LCLAT1: variants seen among roughly 807,000 people sequenced by gnomAD.
LCLAT1 encodes the protein lysocardiolipin acyltransferase 1.
In LCLAT1, 11 loss-of-function variants were observed where a neutral mutation model predicts 30.7. The ratio of observed to expected loss-of-function variants is 0.36; its 90% CI spans 0.23 to 0.59. LCLAT1 has a LOEUF of 0.59. Among genes scored for constraint, LCLAT1 ranks in the 20% least tolerant of loss-of-function variants. The pLI, the probability that LCLAT1 is intolerant of heterozygous loss-of-function variation, is 0.77. For synonymous variants in LCLAT1, 155 were observed against 151.3 expected (o/e 1.02, Z -0.18); for missense variants, 402 against 458.6 (o/e 0.88, Z 1.13).
intron 1 of LCLAT1, among the ~76,000 whole-genome samples, chr2:30,467,025 G>A (rs77182294): frequency 0.015 from 2,310 of 152,170 alleles, 29 homozygotes; most frequent in Non-Finnish European, 0.023. Flanking sequence ...GTGCCATGTT[G>A]GTGTGCTGCA....
intron 1 of LCLAT1, among the ~76,000 whole-genome samples, chr2:30,447,800 C>G (rs552037396): frequency 6.6e-6 from 1 of 152,196 alleles, no homozygotes; most frequent in Non-Finnish European, 1.5e-5. Flanking sequence ...CTGTTAAATC[C>G]CATGCACTAA....
chr2:30,586,804 T>A (rs1225980340), intron 5 of LCLAT1, among the ~76,000 whole-genome samples: 1 of 152,160 alleles, frequency 6.6e-6, no homozygotes, highest in Non-Finnish European at 1.5e-5. Context: ...GCATTTAATA[T>A]TGTTCAAATG....
At chr2:30,532,186 G>A (rs1441539705) in intron 2 of LCLAT1, among the ~76,000 whole-genome samples, 2 of 152,046 alleles carry the variant, frequency 1.3e-5, no homozygotes, top group Admixed American at 1.3e-4. Flanking sequence ...TCATGTTGCT[G>A]TAGGTACTTG....
chr2:30,568,955 T>G (rs988310542), intron 5 of LCLAT1, among the ~76,000 whole-genome samples: 3 of 151,930 alleles, frequency 2.0e-5, no homozygotes, highest in Non-Finnish European at 4.4e-5. Context: ...TATCATTCTC[T>G]TACTATTTTA....
At chr2:30,542,125 T>A (rs766640803) in intron 3 of LCLAT1, among the ~76,000 whole-genome samples, 1 of 152,212 alleles carries the variant, frequency 6.6e-6, no homozygotes, top group Non-Finnish European at 1.5e-5. Context: ...ATAGGCTCTT[T>A]ATAGATAGGA....
chr2:30,493,222 A>T (rs1683919703), intron 1 of LCLAT1, among the ~76,000 whole-genome samples: 1 of 152,220 alleles, frequency 6.6e-6, no homozygotes. Context: ...CTTATTATTT[A>T]ATGTAGACTT....
intron 1 of LCLAT1, among the ~76,000 whole-genome samples, chr2:30,492,124 A>T (rs1464559170): frequency 6.6e-6 from 1 of 152,200 alleles, no homozygotes; most frequent in Non-Finnish European, 1.5e-5. Flanking sequence ...CTGGCTACCC[A>T]CTAGGTGAGG....
At chr2:30,498,864 G>A (rs1022358435) in intron 1 of LCLAT1, among the ~76,000 whole-genome samples, 1 of 152,176 alleles carries the variant, frequency 6.6e-6, no homozygotes, top group African/African-American at 2.4e-5. Context: ...AGAGTAGACT[G>A]GAGAGACCAG....
intron 1 of LCLAT1, among the ~76,000 whole-genome samples, chr2:30,467,858 G>A (rs1682529207): frequency 6.6e-6 from 1 of 152,168 alleles, no homozygotes; most frequent in African/African-American, 2.4e-5. Flanking sequence ...CAGATGAGTA[G>A]ATGGCAAAAA....
At chr2:30,558,597 CAAAAAAA>C (rs36075365) in intron 3 of LCLAT1, among the ~76,000 whole-genome samples, 1 of 83,274 alleles carries the variant, frequency 1.2e-5, no homozygotes, top group Non-Finnish European at 2.4e-5. Context: ...GACTTTGTCT[CAAAAAAA>C]AAAAAAAAAA....
chr2:30,610,465 C>T (rs920547101), intron 5 of LCLAT1, among the ~76,000 whole-genome samples: 6 of 152,036 alleles, frequency 3.9e-5, no homozygotes, highest in African/African-American at 7.2e-5. Context: ...ATGATTTATC[C>T]ACTTGTGTAT....
intron 3 of LCLAT1, among the ~76,000 whole-genome samples, chr2:30,534,306 G>A (rs1050145044): frequency 2.0e-5 from 3 of 149,130 alleles, no homozygotes; most frequent in African/African-American, 2.5e-5. Flanking sequence ...TGTCGCTCAG[G>A]CTGGAGTGCA....
intron 1 of LCLAT1, among the ~76,000 whole-genome samples, chr2:30,466,028 T>C (rs1682404760): frequency 6.6e-6 from 1 of 152,100 alleles, no homozygotes; most frequent in Non-Finnish European, 1.5e-5. Context: ...AGTAACTCCT[T>C]AGAGTTGTCT....
At position 30,627,285 on chromosome 2, in the gene LCLAT1, C is replaced by A. The variant is rs529992156; in HGVS notation, c.629-12832C>A. On this transcript the variant is annotated intron_variant, in intron 5 of 5. Transcript: ENST00000379509. ...TGGTCGAGTACTCTGGGGTTACAAT[C>A]TTCTCTGATGTCACCTAAGTCTCAT... is the stretch of plus-strand genomic sequence containing the variant. 3.3e-5 allele frequency among the ~76,000 whole-genome samples: 5 copies of A among 152,308 alleles called. No individual in the cohort carries two copies. In the East Asian group the frequency reaches 9.6e-4, roughly 29 times the overall value.
intron 1 of LCLAT1, among the ~76,000 whole-genome samples, chr2:30,456,534 C>T (rs1351075117): frequency 6.6e-6 from 1 of 151,950 alleles, no homozygotes; most frequent in Non-Finnish European, 1.5e-5. Context: ...AACTTAGGCT[C>T]CCTACATGGC....
chr2:30,461,580 T>C (rs1350259714), intron 1 of LCLAT1, among the ~76,000 whole-genome samples: 2 of 151,832 alleles, frequency 1.3e-5, no homozygotes, highest in African/African-American at 4.8e-5. Context: ...TTTTATCATC[T>C]TTGTTTTACT....
At chr2:30,586,971 C>T (rs1666469723) in intron 5 of LCLAT1, among the ~76,000 whole-genome samples, 1 of 152,204 alleles carries the variant, frequency 6.6e-6, no homozygotes, top group Admixed American at 6.5e-5. Flanking sequence ...TGTTGATGAA[C>T]TGTCATCACA....
At chr2:30,493,135 G>A (rs1457050689) in intron 1 of LCLAT1, among the ~76,000 whole-genome samples, 1 of 152,132 alleles carries the variant, frequency 6.6e-6, no homozygotes, top group Middle Eastern at 3.2e-3. Context: ...CACATGTGGA[G>A]GTAGATACTC....
intron 1 of LCLAT1, chr2:30,489,083 A>G (rs781365932): frequency 1.7e-4 from 26 of 152,292 alleles, no homozygotes; most frequent in Admixed American, 1.4e-3. Flanking sequence ...GACTTAGACT[A>G]TAGATCTAGC....
Sources: gnomAD v4.1 joint callset for allele counts (sites outside exome capture counted in the v4.1 genomes callset) on GRCh38, gnomAD v4.1.1 for gene constraint, MANE v1.5 for transcripts, NCBI Gene and HGNC (gene_info 2026-07-23, HGNC 2026-07-21) for gene names.